Variants in FMN2 observed in about 807,000 individuals in gnomAD.
FMN2 encodes the protein formin 2, also known as formin-2.
Under a neutral mutation model 142.3 loss-of-function variants are expected in FMN2, and 51 were observed. That is an observed-to-expected ratio of 0.36 (90% CI 0.29 to 0.45). The LOEUF is 0.45. FMN2 is among the 20% of genes least tolerant of loss of function. FMN2 has a pLI of 1.00. For synonymous variants in FMN2, 882 were observed against 869.8 expected (o/e 1.01, Z -0.25); for missense variants, 1,936 against 2,122.8 (o/e 0.91, Z 1.73).
chr1:240,098,302 A>G (rs1203070112), intron 1 of FMN2, among the ~76,000 whole-genome samples: 3 of 151,704 alleles, frequency 2.0e-5, no homozygotes, highest in African/African-American at 7.3e-5. Context: ...GGATTTCACC[A>G]TGTAGGCCAG....
chr1:240,344,647 T>C (rs2103032760), intron 13 of FMN2, among the ~76,000 whole-genome samples: 1 of 152,310 alleles, frequency 6.6e-6, no homozygotes, highest in Non-Finnish European at 1.5e-5. Flanking sequence ...ATCATTCAAG[T>C]CATTAGTCGT....
intron 14 of FMN2, among the ~76,000 whole-genome samples, chr1:240,363,282 C>T (rs977765851): frequency 6.6e-6 from 1 of 152,200 alleles, no homozygotes; most frequent in Non-Finnish European, 1.5e-5. Flanking sequence ...TGTAATCTCC[C>T]TTCATTGACC....
chr1:240,472,706 G>T (rs1279545247), intron 17 of FMN2, among the ~76,000 whole-genome samples: 1 of 152,008 alleles, frequency 6.6e-6, no homozygotes, highest in African/African-American at 2.4e-5. Context: ...CAGCACTTTG[G>T]GAGGCCGAGG....
At chr1:240,282,708 G>A (rs1669440341) in intron 7 of FMN2, among the ~76,000 whole-genome samples, 1 of 152,194 alleles carries the variant, frequency 6.6e-6, no homozygotes, top group South Asian at 2.1e-4. Flanking sequence ...GTGGTGAGAT[G>A]CAGAAAGAAT....
At chr1:240,396,380 A>G (rs1392357319) in intron 15 of FMN2, among the ~76,000 whole-genome samples, 1 of 151,126 alleles carries the variant, frequency 6.6e-6, no homozygotes, top group Non-Finnish European at 1.5e-5. Flanking sequence ...TGCGATTGTA[A>G]AATTGGCAAG....
intron 9 of FMN2, 35 bp from the exon 10 acceptor site, chr1:240,329,304 A>C (rs1169284478): frequency 1.2e-6 from 2 of 1,606,888 alleles, no homozygotes; most frequent in Admixed American, 3.4e-5. Context: ...TATGTGAATT[A>C]TATTTTTCTT....
intron 6 of FMN2, among the ~76,000 whole-genome samples, chr1:240,252,737 G>A (rs1009509181): frequency 6.6e-5 from 10 of 151,630 alleles, no homozygotes; most frequent in South Asian, 4.1e-4. Context: ...CTAATGTGCC[G>A]CAGAGAAAAC....
At chr1:240,301,873 G>T (rs12040620) in intron 8 of FMN2, among the ~76,000 whole-genome samples, 21,802 of 151,344 alleles carry the variant, frequency 0.14, 1,646 homozygotes, top group South Asian at 0.23. Flanking sequence ...GAGTTTGATG[G>T]ACTTCCTGAT....
In FMN2 at chr1:240,121,086, G is replaced by A. The variant is rs776599965; in HGVS notation, c.1616-2093G>A. On this transcript the variant is annotated intron_variant, in intron 1 of 17. Transcript: ENST00000319653. Reference sequence around the variant, plus strand: ...TGAGGCAGGAGAATCGCTTGAACCCGGGAGGCGGAGGTTGCAGTGAGCCGA... The same window carrying A: ...TGAGGCAGGAGAATCGCTTGAACCCAGGAGGCGGAGGTTGCAGTGAGCCGA... Among the ~76,000 whole-genome samples the A allele has an allele frequency of 3.5e-4, 53 of 152,208 alleles. 1 individual carries two copies. Among genetic ancestry groups the A allele is most frequent in the Admixed American group, 5.2e-4 (8 of 15,298 alleles).
chr1:240,170,900 A>G (rs1664676094), intron 2 of FMN2: 2 of 797,306 alleles, frequency 2.5e-6, no homozygotes, highest in Non-Finnish European at 4.6e-6. Context: ...ATGAACCGTC[A>G]GGATTTTAGT....
At position 240,439,792 on chromosome 1, in the gene FMN2, C is replaced by G. The variant is rs1297698651; in HGVS notation, c.5060+1582C>G. ...TATATTAAGTGATATTTACCAAAAACAGGCTTGCTCAGTTTGGAAGATTGT... is the reference window on the plus strand; with the variant it reads ...TATATTAAGTGATATTTACCAAAAAGAGGCTTGCTCAGTTTGGAAGATTGT... On this transcript the variant is annotated intron_variant, in intron 16 of 17. Coordinates refer to ENST00000319653, the MANE Select transcript of FMN2 (RefSeq NM_020066.5). Among the ~76,000 whole-genome samples the G allele has an allele frequency of 5.0e-4, 75 of 150,330 alleles. 1 individual carries two copies. The highest frequency in any genetic ancestry group is 4.9e-3 in the Admixed American group (74 of 14,978).
rs554808779 is a variant in FMN2, at chr1:240,200,095, G to T, written c.1987-6704G>T. 2.0e-4 allele frequency among the ~76,000 whole-genome samples: 31 copies of T among 152,264 alleles called. 2 individuals are homozygous for T. The South Asian group carries it at 6.2e-3, about 31-fold the overall frequency. On this transcript the variant is annotated intron_variant, in intron 4 of 17. Transcript: ENST00000319653. ...CTGCACCCTGAAGAGACAAGATTAAGTTCCAGGCGCTGGACACAGAGGAAC... is the reference window on the plus strand; with the variant it reads ...CTGCACCCTGAAGAGACAAGATTAATTTCCAGGCGCTGGACACAGAGGAAC...
At chr1:240,190,187 T>C (rs573933512) in intron 4 of FMN2, among the ~76,000 whole-genome samples, 1 of 152,298 alleles carries the variant, frequency 6.6e-6, no homozygotes, top group Admixed American at 6.5e-5. Flanking sequence ...TTAAAAACAC[T>C]TGATTTTACA....
chr1:240,233,799 A>G (rs1405228434), intron 6 of FMN2, among the ~76,000 whole-genome samples: 1 of 152,154 alleles, frequency 6.6e-6, no homozygotes, highest in Non-Finnish European at 1.5e-5. Context: ...AAAGAACTAG[A>G]AGCAAGAGGC....
At chr1:240,152,080 C>T (rs1360073251) in intron 2 of FMN2, among the ~76,000 whole-genome samples, 1 of 152,084 alleles carries the variant, frequency 6.6e-6, no homozygotes, top group African/African-American at 2.4e-5. Context: ...CTCCAATGGA[C>T]TTTTTAATGC....
At position 240,473,776 on chromosome 1, in the gene FMN2, T is replaced by TA. The variant is rs1375062604; in HGVS notation, c.5143-351dup. 2.0e-5 allele frequency among the ~76,000 whole-genome samples: 3 copies of TA among 152,180 alleles called. No homozygotes were observed. Among genetic ancestry groups the TA allele is most frequent in the Admixed American group, 2.0e-4 (3 of 15,284 alleles). On this transcript the variant is annotated intron_variant, in intron 17 of 17. Coordinates refer to ENST00000319653, the MANE Select transcript of FMN2 (RefSeq NM_020066.5). This position sits in a 1 kb window ranked among gnomAD's most constrained non-coding sequence, Gnocchi z 4.3. ...TGCTATTATGAGTACAGAAGATAAT[T>TA]AGAGTACATTTACCATGAAGTGAAG...
At chr1:240,302,756 A>G (rs528355518) in intron 8 of FMN2, among the ~76,000 whole-genome samples, 2 of 152,234 alleles carry the variant, frequency 1.3e-5, no homozygotes, top group East Asian at 3.9e-4. Context: ...AATGGGTCCA[A>G]CACTTGGGTC....
chr1:240,322,767 A>T (rs1365435372), intron 8 of FMN2, among the ~76,000 whole-genome samples: 1 of 152,084 alleles, frequency 6.6e-6, no homozygotes, highest in Non-Finnish European at 1.5e-5. Flanking sequence ...ACCATGAGAG[A>T]GGGCTTGTGG....
chr1:240,112,564 G>A (rs774826277), intron 1 of FMN2, among the ~76,000 whole-genome samples: 16 of 152,148 alleles, frequency 1.1e-4, no homozygotes, highest in Non-Finnish European at 1.8e-4. Context: ...AACTTTGCCC[G>A]TCTCCTGCCC....
Sources: allele counts gnomAD v4.1 joint callset (sites outside exome capture counted in the v4.1 genomes callset), GRCh38; gene constraint gnomAD v4.1.1; non-coding constraint Gnocchi (gnomAD v3.1); transcripts MANE v1.5; gene names NCBI Gene and HGNC (gene_info 2026-07-23, HGNC 2026-07-21).